Variants in GRID1 observed in about 807,000 individuals in gnomAD.
The protein encoded by GRID1 is glutamate ionotropic receptor delta type subunit 1, also known as glutamate receptor ionotropic, delta-1.
GRID1 carries 28 observed loss-of-function variants against 98.0 expected under a neutral mutation model. The ratio of observed to expected loss-of-function variants is 0.29; its 90% CI spans 0.21 to 0.39. The LOEUF (loss-of-function observed/expected upper bound fraction) is 0.39, where lower values mean the gene tolerates loss of function less well. Ranked by LOEUF, GRID1 falls within the 10% of genes least tolerant of loss-of-function variation. The pLI, the probability that GRID1 is intolerant of heterozygous loss-of-function variation, is 1.00. For synonymous variants in GRID1, 553 were observed against 538.5 expected, an observed-to-expected ratio of 1.03 and a Z score of -0.37; for missense variants, 1,111 against 1,340.5, an observed-to-expected ratio of 0.83 and a Z score of 2.67.
chr10:86,332,205 A>G (rs1255996690), intron 2 of GRID1, among the ~76,000 whole-genome samples: 7 of 152,124 alleles, frequency 4.6e-5, no homozygotes. Flanking sequence ...TTGGCTTCCT[A>G]ACAGCCCCTC....
In GRID1 at chr10:85,851,875, T is replaced by A. The variant is rs1843061369; in HGVS notation, c.1233+2621A>T. Among the ~76,000 whole-genome samples, 6 of 152,228 alleles carry A rather than the reference T, an allele frequency of 3.9e-5. No homozygotes were observed. The South Asian group carries it at 1.2e-3, about 32-fold the overall frequency. On this transcript the variant is annotated intron_variant, in intron 8 of 15. Transcript: ENST00000327946. ...TGGCTCAGGACCCTACCCTCAAATTTGCCACCCATCCTCAATTTTTTTCTC... is the reference window on the plus strand; with the variant it reads ...TGGCTCAGGACCCTACCCTCAAATTAGCCACCCATCCTCAATTTTTTTCTC...
intron 8 of GRID1, among the ~76,000 whole-genome samples, chr10:85,732,704 T>C (rs1841839257): frequency 6.6e-6 from 1 of 152,172 alleles, no homozygotes. Context: ...TGGGTACCCT[T>C]ACAACAAATA....
intron 4 of GRID1, among the ~76,000 whole-genome samples, chr10:86,081,211 T>C (rs144469498): frequency 7.2e-4 from 110 of 152,194 alleles, no homozygotes; most frequent in African/African-American, 2.5e-3. Context: ...TTAACTATTT[T>C]GAAGAGTTTT....
At chr10:85,620,920 T>G (rs980853568) in intron 13 of GRID1, among the ~76,000 whole-genome samples, 8 of 152,334 alleles carry the variant, frequency 5.3e-5, no homozygotes, top group Middle Eastern at 3.4e-3. Flanking sequence ...AGGTTTCTGG[T>G]GTCACTATCT....
intron 4 of GRID1, among the ~76,000 whole-genome samples, chr10:86,002,258 G>A (rs770803629): frequency 2.0e-5 from 3 of 152,312 alleles, no homozygotes; most frequent in African/African-American, 2.4e-5. Flanking sequence ...AATAGACAAT[G>A]ACAGGTAAAA....
intron 5 of GRID1, 50 bp from the exon 6 acceptor site, chr10:85,869,230 T>A: frequency 6.6e-7 from 1 of 1,523,016 alleles, no homozygotes; most frequent in Non-Finnish European, 9.1e-7. Flanking sequence ...GAACTATCTC[T>A]GCAAGAGACC....
At chr10:86,124,308 A>T (rs1300765820) in intron 4 of GRID1, among the ~76,000 whole-genome samples, 1 of 152,072 alleles carries the variant, frequency 6.6e-6, no homozygotes, top group African/African-American at 2.4e-5. Context: ...ACACCTCCCC[A>T]ATGTCACCTG....
Position 85,854,106 on chromosome 10 carries a change from AC to A in GRID1, c.1233+389del, listed in dbSNP as rs1843085951. On this transcript the variant is annotated intron_variant, in intron 8 of 15. Transcript: ENST00000327946. ...TGTCTCACTCCTGGATCTGGAGGACACTCAGGCTGTAACCTCTGCCTCCTGC... is the reference window on the plus strand; with the variant it reads ...TGTCTCACTCCTGGATCTGGAGGACATCAGGCTGTAACCTCTGCCTCCTGC... 7.9e-5 allele frequency among the ~76,000 whole-genome samples: 12 copies of A among 152,162 alleles called. No individual in the cohort carries two copies. The South Asian group carries it at 2.5e-3, about 32-fold the overall frequency.
chr10:85,879,549 A>C (rs1246953208), intron 5 of GRID1, among the ~76,000 whole-genome samples: 2 of 152,220 alleles, frequency 1.3e-5, no homozygotes, highest in Non-Finnish European at 2.9e-5. Context: ...GGAAGGCAGA[A>C]ATAAAGATGT....
intron 3 of GRID1, among the ~76,000 whole-genome samples, chr10:86,145,451 T>G (rs1005331159): frequency 2.6e-5 from 4 of 152,104 alleles, no homozygotes; most frequent in African/African-American, 9.7e-5. Flanking sequence ...TATTTGTTTT[T>G]ACATTCATCA....
chr10:85,644,613 G>A (rs1488645036), intron 13 of GRID1, among the ~76,000 whole-genome samples: 2 of 152,090 alleles, frequency 1.3e-5, no homozygotes, highest in Non-Finnish European at 1.5e-5. Context: ...CCAGGGTTTT[G>A]GTTCTACAGG....
intron 6 of GRID1, among the ~76,000 whole-genome samples, chr10:85,865,914 T>C (rs1283846901): frequency 1.1e-4 from 4 of 37,964 alleles, no homozygotes; most frequent in Non-Finnish European, 2.5e-4. Flanking sequence ...CATATATACA[T>C]ATATATATAT....
chr10:85,872,919 T>C lies in GRID1; in HGVS notation c.781-3739A>G, dbSNP rs1033745881. 2.0e-5 allele frequency among the ~76,000 whole-genome samples: 3 copies of C among 152,352 alleles called. No homozygotes were observed. In the East Asian group the frequency reaches 5.8e-4, roughly 29 times the overall value. ...TTATTCTTACTGTACAATCCAGAGA[T>C]ATTTGCAATCAGAATCTAACAAGCC... On this transcript the variant is annotated intron_variant, in intron 5 of 15. Transcript: ENST00000327946.
At chr10:85,738,478 C>G (rs1332311028) in intron 8 of GRID1, among the ~76,000 whole-genome samples, 1 of 152,302 alleles carries the variant, frequency 6.6e-6, no homozygotes, top group East Asian at 1.9e-4. Context: ...ATGTTAAGCC[C>G]AGCAATTCCA....
chr10:85,813,166 T>G (rs998330964), intron 8 of GRID1, among the ~76,000 whole-genome samples: 7 of 151,494 alleles, frequency 4.6e-5, no homozygotes, highest in Non-Finnish European at 1.0e-4. Context: ...CATGCAAAAA[T>G]ATTTAAAGCA....
At chr10:85,878,374 G>T (rs1269626430) in intron 5 of GRID1, among the ~76,000 whole-genome samples, 2 of 151,910 alleles carry the variant, frequency 1.3e-5, no homozygotes, top group African/African-American at 4.8e-5. Flanking sequence ...CAGAGAGAAA[G>T]GTCGGGTTAC....
chr10:86,198,577 C>G (rs1188496103), intron 3 of GRID1, among the ~76,000 whole-genome samples: 3 of 152,106 alleles, frequency 2.0e-5, no homozygotes, highest in African/African-American at 7.2e-5. Flanking sequence ...CACGTTAACC[C>G]CATCAGGCAG....
intron 4 of GRID1, among the ~76,000 whole-genome samples, chr10:86,114,368 G>C (rs1589375989): frequency 1.3e-5 from 2 of 152,144 alleles, no homozygotes; most frequent in African/African-American, 4.8e-5. Flanking sequence ...AGAGGTGGCA[G>C]TCAGGGAACA....
At chr10:85,617,299 C>T (rs1472518762) in intron 14 of GRID1, among the ~76,000 whole-genome samples, 1 of 147,640 alleles carries the variant, frequency 6.8e-6, no homozygotes, top group Admixed American at 6.8e-5. Flanking sequence ...GTGACATGAT[C>T]TCAGCTCACT....
Sources: allele counts gnomAD v4.1 joint callset (sites outside exome capture counted in the v4.1 genomes callset), GRCh38; gene constraint gnomAD v4.1.1; transcripts MANE v1.5; gene names NCBI Gene and HGNC (gene_info 2026-07-23, HGNC 2026-07-21).